DEPTOR: variants seen among roughly 807,000 people sequenced by gnomAD.
DEPTOR encodes the protein DEP domain containing MTOR interacting protein, also known as DEP domain-containing mTOR-interacting protein.
A neutral mutation model predicts 41.6 loss-of-function variants in DEPTOR; 41 were observed. The ratio of observed to expected loss-of-function variants is 0.98; its 90% CI spans 0.77 to 1.28. The LOEUF (loss-of-function observed/expected upper bound fraction) is 1.28, where lower values mean the gene tolerates loss of function less well. DEPTOR is among the 50% of genes most tolerant of loss of function. DEPTOR has a pLI of 0.00. For synonymous variants in DEPTOR, 195 were observed against 192.3 expected, an observed-to-expected ratio of 1.01 and a Z score of -0.12; for missense variants, 514 against 527.9, an observed-to-expected ratio of 0.97 and a Z score of 0.26.
At chr8:119,975,870 C>CTTTTTT (rs34482727) in intron 4 of DEPTOR, among the ~76,000 whole-genome samples, 1 of 65,268 alleles carries the variant, frequency 1.5e-5, no homozygotes, top group African/African-American at 6.5e-5. Flanking sequence ...ATGCTTGCTC[C>CTTTTTT]TTTTTTTTTT....
intron 1 of DEPTOR, among the ~76,000 whole-genome samples, chr8:119,928,174 G>A (rs1169863024): frequency 6.6e-6 from 1 of 152,072 alleles, no homozygotes; most frequent in East Asian, 1.9e-4. Flanking sequence ...TGGGTTGGCT[G>A]TGATTGTTTC....
At chr8:120,034,299 A>ACT (rs58107663) in intron 8 of DEPTOR, among the ~76,000 whole-genome samples, 4 of 148,612 alleles carry the variant, frequency 2.7e-5, no homozygotes, top group Non-Finnish European at 6.0e-5. Context: ...ACACACACAC[A>ACT]TTGTATTCGT....
At chr8:119,899,457 A>T (rs1827559741) in intron 1 of DEPTOR, among the ~76,000 whole-genome samples, 1 of 152,196 alleles carries the variant, frequency 6.6e-6, no homozygotes, top group African/African-American at 2.4e-5. Flanking sequence ...ATTCATTCAG[A>T]TGCTAAACAT....
At chr8:119,918,933 T>TAG (rs1188062269) in intron 1 of DEPTOR, among the ~76,000 whole-genome samples, 5 of 119,422 alleles carry the variant, frequency 4.2e-5, no homozygotes, top group African/African-American at 1.7e-4. Flanking sequence ...GCTATTTGCA[T>TAG]AGTGAGTGTG....
chr8:120,002,895 GACCTTGC>G, intron 5 of DEPTOR, 75 bp from the exon 6 acceptor site: 1 of 1,492,400 alleles, frequency 6.7e-7, no homozygotes, highest in Non-Finnish European at 9.0e-7. Context: ...GGCCCCTCTG[GACCTTGC>G]AGTTGAAAGC....
chr8:120,043,115 G>A (rs533273378), intron 8 of DEPTOR, among the ~76,000 whole-genome samples: 70 of 151,296 alleles, frequency 4.6e-4, no homozygotes, highest in Non-Finnish European at 8.3e-4. Context: ...ATAGGTAATT[G>A]GGGAGCAGGT....
chr8:119,956,976 A>G (rs1216925962), intron 3 of DEPTOR, among the ~76,000 whole-genome samples: 3 of 151,998 alleles, frequency 2.0e-5, no homozygotes, highest in African/African-American at 7.2e-5. Flanking sequence ...ATCTCAGGTG[A>G]TCTACCTGCC....
chr8:120,009,635 AC>A (rs1240564017), intron 8 of DEPTOR, among the ~76,000 whole-genome samples: 3 of 132,410 alleles, frequency 2.3e-5, no homozygotes, highest in South Asian at 2.8e-4. Context: ...AAACAAAACA[AC>A]AACAACAACA....
At chr8:119,926,208 C>T (rs6469878) in intron 1 of DEPTOR, among the ~76,000 whole-genome samples, 75,907 of 151,902 alleles carry the variant, frequency 0.5, 20,655 homozygotes, top group African/African-American at 0.7. Flanking sequence ...TACCTGGTCC[C>T]TGGCAAATGA....
At chr8:119,884,495 T>G (rs1201610484) in intron 1 of DEPTOR, among the ~76,000 whole-genome samples, 2 of 152,028 alleles carry the variant, frequency 1.3e-5, no homozygotes, top group Non-Finnish European at 2.9e-5. Context: ...AAATAAAGAA[T>G]TATTTGCTGA....
intron 8 of DEPTOR, among the ~76,000 whole-genome samples, chr8:120,049,109 A>T (rs922976639): frequency 6.6e-6 from 1 of 152,152 alleles, no homozygotes; most frequent in African/African-American, 2.4e-5. Context: ...TATTTTTTAC[A>T]TTCTTTGGTT....
At chr8:120,039,700 G>T (rs1170770351) in intron 8 of DEPTOR, among the ~76,000 whole-genome samples, 2 of 152,056 alleles carry the variant, frequency 1.3e-5, no homozygotes, top group Admixed American at 6.6e-5. Context: ...ATTCTCAGGA[G>T]CCTGATTATT....
At chr8:120,006,784 G>A in intron 6 of DEPTOR, 21 bp from the exon 7 acceptor site, 2 of 1,612,710 alleles carry the variant, frequency 1.2e-6, no homozygotes, top group Middle Eastern at 3.3e-4. Context: ...CTTATGTCTT[G>A]ACATTGTGTT....
At chr8:119,878,369 G>T (rs182476122) in intron 1 of DEPTOR, among the ~76,000 whole-genome samples, 94 of 149,626 alleles carry the variant, frequency 6.3e-4, no homozygotes, top group African/African-American at 2.2e-3. Context: ...CATCAGGCTG[G>T]AGTGCGGTGG....
intron 3 of DEPTOR, among the ~76,000 whole-genome samples, chr8:119,947,061 A>G (rs1828288552): frequency 6.6e-6 from 1 of 152,174 alleles, no homozygotes; most frequent in Non-Finnish European, 1.5e-5. Flanking sequence ...TAGATGCTTT[A>G]AACAGATTAG....
At chr8:119,893,186 C>G (rs1264388789) in intron 1 of DEPTOR, among the ~76,000 whole-genome samples, 2 of 152,154 alleles carry the variant, frequency 1.3e-5, no homozygotes, top group African/African-American at 4.8e-5. Context: ...ATTTATTAAG[C>G]CATTTCATTT....
At chr8:120,009,399 G>C (rs112451168) in intron 8 of DEPTOR, among the ~76,000 whole-genome samples, 113 of 152,002 alleles carry the variant, frequency 7.4e-4, no homozygotes, top group African/African-American at 2.7e-3. Context: ...TATCACTTGA[G>C]GTCAGGAGTT....
intron 1 of DEPTOR, among the ~76,000 whole-genome samples, chr8:119,926,917 T>C (rs1472147527): frequency 1.3e-5 from 2 of 152,088 alleles, no homozygotes; most frequent in African/African-American, 4.8e-5. Flanking sequence ...GCACATAAGA[T>C]AGCCTTTGAG....
intron 3 of DEPTOR, among the ~76,000 whole-genome samples, chr8:119,935,772 T>C (rs562946437): frequency 1.3e-5 from 2 of 151,900 alleles, no homozygotes; most frequent in African/African-American, 4.8e-5. Flanking sequence ...TTCAGGATTA[T>C]CAAGTCCTCT....
Sources: allele counts gnomAD v4.1 joint callset (sites outside exome capture counted in the v4.1 genomes callset), GRCh38; gene constraint gnomAD v4.1.1; transcripts MANE v1.5; gene names NCBI Gene and HGNC (gene_info 2026-07-23, HGNC 2026-07-21).